Variants in THAP4 observed in about 807,000 individuals in gnomAD.
THAP4 encodes THAP domain containing 4.
Under a neutral mutation model 48.1 loss-of-function variants are expected in THAP4, and 18 were observed. The ratio of observed to expected loss-of-function variants is 0.37; its 90% confidence interval spans 0.26 to 0.56. The LOEUF (loss-of-function observed/expected upper bound fraction) is 0.56. Among genes scored for constraint, THAP4 ranks in the 20% least tolerant of loss-of-function variants. The pLI, the probability that THAP4 is intolerant of heterozygous loss-of-function variation, is 0.78. For synonymous variants in THAP4, 345 were observed against 324.9 expected, an observed-to-expected ratio of 1.06 and a Z score of -0.66; for missense variants, 656 against 774.9, an observed-to-expected ratio of 0.85 and a Z score of 1.82.
chr2:241,592,553 G>A (rs1470195567), intron 5 of THAP4, among the ~76,000 whole-genome samples: 1 of 152,114 alleles, frequency 6.6e-6, no homozygotes, highest in Non-Finnish European at 1.5e-5. Context: ...ACCCTCTGTG[G>A]GGCCTGCAGT....
intron 5 of THAP4, among the ~76,000 whole-genome samples, chr2:241,586,030 C>T (rs1357217242): frequency 9.3e-5 from 14 of 150,348 alleles, no homozygotes; most frequent in African/African-American, 2.9e-4. Flanking sequence ...CCGAGGCGGG[C>T]GGATCACGAG....
In THAP4 at chr2:241,591,199, G is replaced by C. The variant is rs75087986; in HGVS notation, c.1615-6474C>G. Among the ~76,000 whole-genome samples, 42 of 144,112 alleles carry C rather than the reference G, an allele frequency of 2.9e-4. No individual in the cohort carries two copies. The East Asian group carries it at 7.2e-3, about 25-fold the overall frequency. 94.5% of individuals were successfully genotyped at this position (144,112 alleles called of 152,430 possible). ...CACTCAGAGCTGCTCGGCTGATGAT[G>C]ATGGGCACTAGGACACTCAGAACTG... On this transcript the variant is annotated intron_variant, in intron 5 of 5. Transcript: ENST00000407315.
chr2:241,589,843 G>C (rs1042033312), intron 5 of THAP4, among the ~76,000 whole-genome samples: 2 of 152,134 alleles, frequency 1.3e-5, no homozygotes, highest in Non-Finnish European at 2.9e-5. Flanking sequence ...CCACCACACA[G>C]CAACAAGCAG....
intron 2 of THAP4, among the ~76,000 whole-genome samples, chr2:241,622,595 CA>C (rs1216319718): frequency 6.7e-6 from 1 of 150,260 alleles, no homozygotes; most frequent in Non-Finnish European, 1.5e-5. Context: ...AGAAAACAAA[CA>C]AAAAAAAAGT....
chr2:241,606,537 C>T (rs1016138742), intron 2 of THAP4, 64 bp from the exon 3 acceptor site: 22 of 1,452,548 alleles, frequency 1.5e-5, no homozygotes, highest in Middle Eastern at 1.8e-4. Context: ...GAGCTTTAAG[C>T]AGAATGCACG....
rs1276988435 is a variant in THAP4, at chr2:241,610,678, C to G, written c.1241-4205G>C. Among the ~76,000 whole-genome samples the G allele has an allele frequency of 1.3e-5, 2 of 152,104 alleles. No individual in the cohort carries two copies. Among genetic ancestry groups the G allele is most frequent in the Non-Finnish European group, 2.9e-5 (2 of 68,012 alleles). ...CCGGCAGCCTCTGCCTCCCCCTGGT[C>G]TTTCCCTCCCACCACCCACCGTGGA... On this transcript the variant is annotated intron_variant, in intron 2 of 5. Coordinates refer to ENST00000407315, the MANE Select transcript of THAP4 (RefSeq NM_015963.6). This position sits in a 1 kb window ranked among gnomAD's most constrained non-coding sequence, Gnocchi z 4.2.
At chr2:241,623,543 C>T (rs2067460308) in intron 2 of THAP4, among the ~76,000 whole-genome samples, 1 of 151,520 alleles carries the variant, frequency 6.6e-6, no homozygotes, top group Non-Finnish European at 1.5e-5. Flanking sequence ...CATACCAGTG[C>T]CCTTCAGCCT....
At position 241,634,422 on chromosome 2, in the gene THAP4, C is replaced by T. The variant is rs570710579; in HGVS notation, c.78-343G>A. 7.2e-5 allele frequency among the ~76,000 whole-genome samples: 11 copies of T among 152,318 alleles called. No individual in the cohort carries two copies. In the East Asian group the frequency reaches 1.7e-3, roughly 24 times the overall value. On this transcript the variant is annotated intron_variant, in intron 1 of 5. Transcript: ENST00000407315. ...ATGGCCTCAGGACAGCAGGAAATAG[C>T]TCCTAGAAGCTGACTGCTAACCAAC... is the stretch of plus-strand genomic sequence containing the variant.
chr2:241,637,107 ACACGGCTCGGGACGTGGGCC>A lies in THAP4; in HGVS notation c.-110_-91del, dbSNP rs2067684008. 1 of 1,017,900 alleles carries A rather than the reference ACACGGCTCGGGACGTGGGCC, an allele frequency of 9.8e-7. No individual in the cohort carries two copies. The highest frequency in any genetic ancestry group is 6.1e-5 in the Admixed American group (1 of 16,526). 63.1% of individuals were successfully genotyped at this position (1,017,900 alleles called of 1,614,324 possible). The stretch of plus-strand genomic sequence containing the variant: ...CCCCGAGGGAGGGAGCGCGGCGGCG[ACACGGCTCGGGACGTGGGCC>A]GGCCCGCGGCGTCCGCGCCGTACGG... On this transcript the variant is annotated 5_prime_UTR_variant, in exon 1 of 6. Coordinates refer to ENST00000407315, the MANE Select transcript of THAP4 (RefSeq NM_015963.6).
At chr2:241,609,870 C>T (rs974882175) in intron 2 of THAP4, among the ~76,000 whole-genome samples, 3 of 152,238 alleles carry the variant, frequency 2.0e-5, no homozygotes, top group African/African-American at 7.2e-5. Context: ...CCCACAGCGA[C>T]TGCCACGGGG....
intron 2 of THAP4, among the ~76,000 whole-genome samples, chr2:241,615,993 C>T (rs62193046): frequency 0.029 from 4,344 of 152,314 alleles, 74 homozygotes; most frequent in Middle Eastern, 0.085. Context: ...ACACACTCTG[C>T]CCCAGTCCTG....
At chr2:241,607,387 T>G (rs972813088) in intron 2 of THAP4, among the ~76,000 whole-genome samples, 2 of 151,742 alleles carry the variant, frequency 1.3e-5, no homozygotes, top group Non-Finnish European at 2.9e-5. Context: ...CTGCTCTTAC[T>G]CATTTTCTAA....
chr2:241,599,762 T>C (rs533572797), intron 5 of THAP4, among the ~76,000 whole-genome samples: 49 of 152,318 alleles, frequency 3.2e-4, no homozygotes, highest in African/African-American at 1.2e-3. Context: ...GAGATGTTTA[T>C]TCAAAAGTTC....
intron 2 of THAP4, among the ~76,000 whole-genome samples, chr2:241,622,850 A>ACCTCAGCCT (rs2067448914): frequency 1.3e-5 from 2 of 151,894 alleles, no homozygotes; most frequent in Admixed American, 1.3e-4. Context: ...CAATCCTCAC[A>ACCTCAGCCT]CCTCAGCCTC....
In THAP4 at chr2:241,601,062, T is replaced by A. The variant is rs991208211; in HGVS notation, c.1614+834A>T. The stretch of plus-strand genomic sequence containing the variant: ...GGGAGGCTGAGGCGGGTGGATCACC[T>A]GAAGTCAGGAATTCAAGACCAGCCT... On this transcript the variant is annotated intron_variant, in intron 5 of 5. Transcript: ENST00000407315. The surrounding 1 kb of genome is among the most constrained non-coding windows in gnomAD (Gnocchi z 4.0). Among the ~76,000 whole-genome samples, 15 of 152,056 alleles carry A rather than the reference T, an allele frequency of 9.9e-5. No homozygotes were observed. The highest frequency in any genetic ancestry group is 1.8e-4 in the Non-Finnish European group (12 of 67,998).
chr2:241,620,379 GGTGA>G (rs1165530247), intron 2 of THAP4, among the ~76,000 whole-genome samples: 1 of 127,192 alleles, frequency 7.9e-6, no homozygotes, highest in Non-Finnish European at 1.7e-5. Flanking sequence ...AGGGGTGAGG[GGTGA>G]GTGAGTCAGT....
intron 5 of THAP4, chr2:241,584,950 T>C (rs2066874886): frequency 6.9e-6 from 4 of 577,160 alleles, no homozygotes; most frequent in Non-Finnish European, 1.2e-5. Flanking sequence ...GATTGTTTAT[T>C]TAGAAGTCAC....
chr2:241,598,866 A>T (rs2067080551), intron 5 of THAP4, among the ~76,000 whole-genome samples: 1 of 152,146 alleles, frequency 6.6e-6, no homozygotes, highest in Admixed American at 6.5e-5. Context: ...GGCATACTAG[A>T]AACTGAATCT....
intron 2 of THAP4, among the ~76,000 whole-genome samples, chr2:241,629,147 C>T (rs1233826547): frequency 6.6e-6 from 1 of 151,982 alleles, no homozygotes; most frequent in Non-Finnish European, 1.5e-5. Flanking sequence ...AACAGTTACA[C>T]AAAGAGGGGC....
Sources: allele counts gnomAD v4.1 joint callset (sites outside exome capture counted in the v4.1 genomes callset), GRCh38; gene constraint gnomAD v4.1.1; non-coding constraint Gnocchi (gnomAD v3.1); transcripts MANE v1.5; gene names NCBI Gene and HGNC (gene_info 2026-07-23, HGNC 2026-07-21).